The following SSC5D variants were observed in gnomAD, a reference collection of about 807,000 sequenced individuals.
SSC5D encodes the protein soluble scavenger receptor cysteine-rich domain-containing protein SSC5D.
SSC5D carries 106 observed loss-of-function variants against 104.6 expected under a neutral mutation model. That is an observed-to-expected ratio of 1.01 (90% CI 0.87 to 1.19). SSC5D has a LOEUF of 1.19. SSC5D is among the 50% of genes most tolerant of loss of function. The pLI, the probability that SSC5D is intolerant of heterozygous loss-of-function variation, is 0.00. For missense variants in SSC5D, 1,993 were observed against 2,153.8 expected (o/e 0.93, Z 1.48); for synonymous variants, 860 against 883.5 (o/e 0.97, Z 0.47).
intron 8 of SSC5D, among the ~76,000 whole-genome samples, chr19:55,495,338 C>T (rs1199592356): frequency 1.4e-5 from 2 of 142,662 alleles, no homozygotes; most frequent in Non-Finnish European, 3.0e-5. Context: ...AACCTCTCAA[C>T]CTGCAGGCTC....
Position 55,490,953 on chromosome 19 carries a change from T to C in SSC5D, c.768T>C (p.Gly256=), listed in dbSNP as rs1201055624. The C allele has an allele frequency of 6.5e-7, 1 of 1,546,272 alleles. No individual in the cohort carries two copies. Among genetic ancestry groups the C allele is most frequent in the Non-Finnish European group, 8.7e-7 (1 of 1,144,794 alleles). The change falls in exon 6 of 14, where the codon GGT becomes GGC. Residue 256 remains glycine (G), a synonymous_variant. Transcript: ENST00000389623. ...AAPGGARFGP[G]AGPVWMDDVG... The stretch of plus-strand genomic sequence containing the variant: ...CCGGCGGTGCCAGATTCGGGCCTGG[T>C]GCAGGGCCCGTGTGGATGGACGATG...
At position 55,497,891 on chromosome 19, in the gene SSC5D, C is replaced by T; in HGVS notation, c.1399C>T (p.Leu467=). The T allele has an allele frequency of 6.5e-7, 1 of 1,538,208 alleles. No homozygotes were observed. The highest frequency in any genetic ancestry group is 8.8e-7 in the Non-Finnish European group (1 of 1,136,962). ...EPGPEAGSPQ[L]RLVAGPSKCS... is the part of the protein sequence containing the mutation. ...CTCTTCTACCCCAGGGTCCCCCCAG[C>T]TGCGCCTGGTGGCTGGGCCCAGCAA... The change falls in exon 9 of 14, where the codon CTG becomes TTG. Residue 467 remains leucine (L), a synonymous_variant. Coordinates refer to ENST00000389623, the MANE Select transcript of SSC5D (RefSeq NM_001144950.2).
intron 6 of SSC5D, chr19:55,491,415 C>T (rs986476859): frequency 2.6e-5 from 7 of 271,886 alleles, no homozygotes; most frequent in Admixed American, 1.5e-4. Flanking sequence ...AGTCCTGGAA[C>T]GCAAGAAGCC....
chr19:55,490,440 GGCTGGTTGCTGTGAGGCC>G, intron 5 of SSC5D, 32 bp downstream of exon 5: 2 of 729,914 alleles, frequency 2.7e-6, no homozygotes, highest in Non-Finnish European at 4.6e-6. Flanking sequence ...CCGACCCCAA[GGCTGGTTGCTGTGAGGCC>G]CAGGGCCCAG....
At chr19:55,510,687 T>C (rs906680445) in intron 12 of SSC5D, among the ~76,000 whole-genome samples, 21 of 151,910 alleles carry the variant, frequency 1.4e-4, no homozygotes, top group African/African-American at 3.4e-4. Context: ...TGGGTTTTTT[T>C]CCCTGGACTA....
chr19:55,494,844 T>C, intron 8 of SSC5D, 61 bp downstream of exon 8: 3 of 1,459,864 alleles, frequency 2.1e-6, no homozygotes, highest in Non-Finnish European at 2.7e-6. Context: ...TTCCCTCAGC[T>C]CTGAGACTGT....
intron 2 of SSC5D, 121 bp from the exon 3 acceptor site, chr19:55,489,233 T>G (rs1483176732): frequency 1.2e-5 from 14 of 1,201,954 alleles, no homozygotes; most frequent in Non-Finnish European, 1.5e-5. Flanking sequence ...CAGGGGCCAG[T>G]GAGCAGGGCC....
In SSC5D at chr19:55,497,935, G is replaced by A. The variant is rs569626632; in HGVS notation, c.1443G>A (p.Glu481=). 453 of 1,551,436 alleles carry A rather than the reference G, an allele frequency of 2.9e-4. 8 individuals carry two copies. In the South Asian group the frequency reaches 5.1e-3, roughly 18 times the overall value. The change falls in exon 9 of 14, where the codon GAG becomes GAA. Residue 481 remains glutamate (E), a synonymous_variant. Transcript: ENST00000389623. The part of the protein sequence containing the change: ...AGPSKCSGRL[E]VWHDQRWGTV... The stretch of plus-strand genomic sequence containing the variant: ...CCAGCAAGTGCTCAGGTCGACTGGA[G>A]GTGTGGCATGACCAGCGCTGGGGGA...
At chr19:55,512,365 C>CAAA (rs374519949) in intron 12 of SSC5D, among the ~76,000 whole-genome samples, 46,328 of 132,544 alleles carry the variant, frequency 0.35, 8,642 homozygotes, top group South Asian at 0.5. Context: ...TGCATTTGGC[C>CAAA]AAAAAAAAAA....
At chr19:55,489,821 C>T (rs1459519477) in intron 3 of SSC5D, 61 bp from the exon 4 acceptor site, 6 of 1,500,838 alleles carry the variant, frequency 4.0e-6, no homozygotes, top group Non-Finnish European at 4.5e-6. Context: ...CTTCCAGGGA[C>T]CCAAATGGCC....
intron 8 of SSC5D, among the ~76,000 whole-genome samples, chr19:55,495,893 G>A (rs992093366): frequency 4.7e-5 from 7 of 147,696 alleles, no homozygotes; most frequent in African/African-American, 1.8e-4. Flanking sequence ...ATGCCACCGA[G>A]CCTGGCTATT....
chr19:55,494,545 TG>T (rs1364936691), intron 7 of SSC5D, 64 bp from the exon 8 acceptor site: 3 of 1,430,096 alleles, frequency 2.1e-6, no homozygotes, highest in East Asian at 5.3e-5. Context: ...ACGCAGGAGG[TG>T]GGGGTGCCGG....
At chr19:55,491,876 C>G (rs927929264) in intron 6 of SSC5D, 1 of 152,384 alleles carries the variant, frequency 6.6e-6, no homozygotes, top group Non-Finnish European at 1.5e-5. Context: ...CTGCCCGATC[C>G]ATTGACTGTA....
chr19:55,500,417 G>A lies in SSC5D; in HGVS notation c.2302+5G>A, dbSNP rs542455858. On this transcript the variant is annotated splice_donor_5th_base_variant and intron_variant, in intron 10 of 13. Coordinates refer to ENST00000389623, the MANE Select transcript of SSC5D (RefSeq NM_001144950.2). This position sits in a 1 kb window ranked among gnomAD's most constrained non-coding sequence, Gnocchi z 4.6. ...TTAGCACCACTGGGGAATCAGGTGA[G>A]TGGCCGTGAGGGGTGTGGGGAGAGA... 2 of 1,550,024 alleles carry A rather than the reference G, an allele frequency of 1.3e-6. No homozygotes were observed. Among genetic ancestry groups the A allele is most frequent in the Non-Finnish European group, 1.7e-6 (2 of 1,145,822 alleles).
chr19:55,500,524 C>T lies in SSC5D; in HGVS notation c.2337C>T (p.Asn779=), dbSNP rs1289227216. 1 of 1,551,712 alleles carries T rather than the reference C, an allele frequency of 6.4e-7. No individual in the cohort carries two copies. Among genetic ancestry groups the T allele is most frequent in the Non-Finnish European group, 8.7e-7 (1 of 1,146,992 alleles). The change falls in exon 11 of 14, where the codon AAC becomes AAT. Residue 779 remains asparagine (N), a synonymous_variant. Coordinates refer to ENST00000389623, the MANE Select transcript of SSC5D (RefSeq NM_001144950.2). This position sits in a 1 kb window ranked among gnomAD's most constrained non-coding sequence, Gnocchi z 4.6. ...GGGTTCGTCTGGCCGATGGGCCCAA[C>T]CGCTGTGCTGGCCGGCTGGAAGTGT... ...LFRVRLADGP[N]RCAGRLEVWH...
At chr19:55,517,044 G>A (rs1987886241) in intron 13 of SSC5D, among the ~76,000 whole-genome samples, 180 bp from the exon 14 acceptor site, 1 of 152,318 alleles carries the variant, frequency 6.6e-6, no homozygotes, top group East Asian at 1.9e-4. Flanking sequence ...GTGGCGCCTG[G>A]AGCCATCGGA....
intron 13 of SSC5D, among the ~76,000 whole-genome samples, chr19:55,515,970 C>G (rs190421833): frequency 6.6e-6 from 1 of 152,054 alleles, no homozygotes; most frequent in East Asian, 1.9e-4. Context: ...TGACCTTGGG[C>G]GAGTCACCTG....
chr19:55,493,032 CA>C (rs1158128809), intron 6 of SSC5D, among the ~76,000 whole-genome samples: 3 of 151,710 alleles, frequency 2.0e-5, no homozygotes, highest in Non-Finnish European at 4.4e-5. Flanking sequence ...CCCCTCCCCC[CA>C]AAAATAAAAA....
In SSC5D at chr19:55,488,545, C is replaced by G. The variant is rs377644583; in HGVS notation, c.-45C>G. On this transcript the variant is annotated 5_prime_UTR_variant, in exon 1 of 14. Transcript: ENST00000389623. The stretch of plus-strand genomic sequence containing the variant: ...CAGCTGCCTCCTCCTCTTCTCTCCC[C>G]GCTCTCCTTCCCCTTTCACCCCATC... 1 of 1,540,856 alleles carries G rather than the reference C, an allele frequency of 6.5e-7. No individual in the cohort carries two copies. Among genetic ancestry groups the G allele is most frequent in the Non-Finnish European group, 8.8e-7 (1 of 1,138,072 alleles).
Sources: allele counts gnomAD v4.1 joint callset (sites outside exome capture counted in the v4.1 genomes callset), GRCh38; gene constraint gnomAD v4.1.1; non-coding constraint Gnocchi (gnomAD v3.1); transcripts MANE v1.5; gene names NCBI Gene and HGNC (gene_info 2026-07-23, HGNC 2026-07-21).